KHDRBS2: variants seen among roughly 807,000 people sequenced by gnomAD.
KHDRBS2 encodes KH RNA binding domain containing, signal transduction associated 2.
KHDRBS2 carries 26 observed loss-of-function variants against 44.3 expected under a neutral mutation model. The ratio of observed to expected loss-of-function variants is 0.59; its 90% CI spans 0.43 to 0.81. The LOEUF (loss-of-function observed/expected upper bound fraction) is 0.81, where lower values mean the gene tolerates loss of function less well. Among genes scored for constraint, KHDRBS2 ranks in the 40% least tolerant of loss-of-function variants. KHDRBS2 has a pLI of 0.00. For synonymous variants in KHDRBS2, 194 were observed against 151.1 expected (o/e 1.28, Z -2.08); for missense variants, 476 against 433.1 (o/e 1.10, Z -0.88).
intron 4 of KHDRBS2, among the ~76,000 whole-genome samples, chr6:61,970,436 T>C (rs1300809530): frequency 6.6e-6 from 1 of 152,104 alleles, no homozygotes; most frequent in Non-Finnish European, 1.5e-5. Flanking sequence ...GCTTGAATTC[T>C]AAGTATAAGG....
At chr6:62,249,535 T>C (rs1836170716) in intron 1 of KHDRBS2, among the ~76,000 whole-genome samples, 1 of 152,084 alleles carries the variant, frequency 6.6e-6, no homozygotes, top group Admixed American at 6.6e-5. Context: ...ATATACAATA[T>C]TGGGCAAACA....
intron 3 of KHDRBS2, among the ~76,000 whole-genome samples, chr6:62,040,255 A>G (rs1380923920): frequency 6.6e-6 from 1 of 152,074 alleles, no homozygotes. Flanking sequence ...GCATGCACGC[A>G]CACGCACACA....
chr6:61,939,186 G>T (rs758334241), intron 4 of KHDRBS2, among the ~76,000 whole-genome samples: 3 of 152,108 alleles, frequency 2.0e-5, no homozygotes, highest in Non-Finnish European at 4.4e-5. Context: ...AATACACATC[G>T]ATGTAATGGA....
chr6:61,638,512 T>C, the KHDRBS2 span, among the ~76,000 whole-genome samples: 1 of 152,118 alleles, frequency 6.6e-6, no homozygotes, highest in Non-Finnish European at 1.5e-5. Flanking sequence ...CAATTCAAGA[T>C]GGATTAAAGA....
the KHDRBS2 span, among the ~76,000 whole-genome samples, chr6:61,566,057 C>T: frequency 1.3e-5 from 2 of 151,674 alleles, no homozygotes; most frequent in South Asian, 4.2e-4. Flanking sequence ...GAATATTATG[C>T]AGCCATACAA....
intron 3 of KHDRBS2, among the ~76,000 whole-genome samples, chr6:62,034,343 A>G (rs1381793212): frequency 6.6e-6 from 1 of 151,926 alleles, no homozygotes; most frequent in Non-Finnish European, 1.5e-5. Context: ...CAGTACCCTG[A>G]TACCAAAACC....
chr6:62,229,575 T>C (rs1365959774), intron 1 of KHDRBS2, among the ~76,000 whole-genome samples: 1 of 152,180 alleles, frequency 6.6e-6, no homozygotes, highest in Non-Finnish European at 1.5e-5. Flanking sequence ...GATTCTAGCT[T>C]AGTGGCTATT....
intron 4 of KHDRBS2, among the ~76,000 whole-genome samples, chr6:61,918,289 A>C (rs1260019088): frequency 6.6e-6 from 1 of 151,944 alleles, no homozygotes; most frequent in Non-Finnish European, 1.5e-5. Context: ...AGATGCCTAA[A>C]TCAGAGTTTT....
At chr6:61,955,549 T>C (rs796268526) in intron 4 of KHDRBS2, among the ~76,000 whole-genome samples, 2 of 66,136 alleles carry the variant, frequency 3.0e-5, no homozygotes, top group African/African-American at 5.8e-5. Flanking sequence ...TATACACATA[T>C]GTATGTATAC....
At chr6:62,104,382 A>C (rs963553656) in intron 2 of KHDRBS2, among the ~76,000 whole-genome samples, 13 of 152,122 alleles carry the variant, frequency 8.5e-5, no homozygotes, top group African/African-American at 2.9e-4. Flanking sequence ...ATGCTGGTGC[A>C]CTGCACCCAC....
intron 8 of KHDRBS2, among the ~76,000 whole-genome samples, chr6:61,685,744 C>T (rs1012866522): frequency 5.9e-5 from 9 of 151,592 alleles, no homozygotes; most frequent in Admixed American, 4.0e-4. Context: ...AAATACTGTG[C>T]GAAATGAGGC....
rs1779577666 is a variant in KHDRBS2 at position 61,763,570 on chromosome 6, C to A, written c.811-30806G>T. Among the ~76,000 whole-genome samples the A allele has an allele frequency of 2.0e-5, 3 of 152,082 alleles. No individual in the cohort carries two copies. In the South Asian group the frequency reaches 6.2e-4, roughly 31 times the overall value. On this transcript the variant is annotated intron_variant, in intron 6 of 8. Coordinates refer to ENST00000281156, the MANE Select transcript of KHDRBS2 (RefSeq NM_152688.4). ...GAATCAAATATGAGATCATTAGGAG[C>A]CCTTTTAGAGTTGAAAATGGGCAAG... is the stretch of plus-strand genomic sequence containing the variant.
At chr6:62,251,824 A>C (rs528710292) in intron 1 of KHDRBS2, among the ~76,000 whole-genome samples, 1 of 149,852 alleles carries the variant, frequency 6.7e-6, no homozygotes, top group East Asian at 2.0e-4. Flanking sequence ...AAAGCCTCAC[A>C]TTTTTACTTA....
At chr6:62,008,970 A>G (rs1779795650) in intron 3 of KHDRBS2, among the ~76,000 whole-genome samples, 1 of 152,160 alleles carries the variant, frequency 6.6e-6, no homozygotes, top group Non-Finnish European at 1.5e-5. Context: ...TGGTGCCAGT[A>G]GAGTGGGGTA....
chr6:62,192,391 C>T (rs1824814219), intron 1 of KHDRBS2, among the ~76,000 whole-genome samples: 1 of 152,032 alleles, frequency 6.6e-6, no homozygotes, highest in Non-Finnish European at 1.5e-5. Context: ...GAAAACAACA[C>T]ATTTAAAATC....
At chr6:61,834,393 A>G (rs1792319991) in intron 6 of KHDRBS2, among the ~76,000 whole-genome samples, 1 of 152,106 alleles carries the variant, frequency 6.6e-6, no homozygotes, top group South Asian at 2.1e-4. Flanking sequence ...TGAAGTCAAC[A>G]TGTAAATGTA....
At chr6:61,556,293 C>T in the KHDRBS2 span, among the ~76,000 whole-genome samples, 1 of 152,184 alleles carries the variant, frequency 6.6e-6, no homozygotes, top group Non-Finnish European at 1.5e-5. Flanking sequence ...GTGGCAATGG[C>T]AGTGCAGGGG....
chr6:61,650,859 TAGAA>T, the KHDRBS2 span, among the ~76,000 whole-genome samples: 1 of 152,092 alleles, frequency 6.6e-6, no homozygotes, highest in African/African-American at 2.4e-5. Flanking sequence ...GGGTAAGAAT[TAGAA>T]AGAAAAACTT....
chr6:61,787,442 A>T (rs1783993345), intron 6 of KHDRBS2, among the ~76,000 whole-genome samples: 1 of 151,752 alleles, frequency 6.6e-6, no homozygotes. Flanking sequence ...TAATTTACAC[A>T]TTTTATCTCT....
Sources: allele counts gnomAD v4.1 joint callset (sites outside exome capture counted in the v4.1 genomes callset), GRCh38; gene constraint gnomAD v4.1.1; transcripts MANE v1.5; gene names NCBI Gene and HGNC (gene_info 2026-07-23, HGNC 2026-07-21).